Variants in ZFR observed in about 807,000 individuals in gnomAD.
ZFR encodes zinc finger RNA binding protein.
Under a neutral mutation model 130.7 loss-of-function variants are expected in ZFR, and 19 were observed. The ratio of observed to expected loss-of-function variants is 0.15; its 90% CI spans 0.10 to 0.21. The LOEUF (loss-of-function observed/expected upper bound fraction) is 0.21. ZFR is among the 10% of genes least tolerant of loss of function. The pLI, the probability that ZFR is intolerant of heterozygous loss-of-function variation, is 1.00. For missense variants in ZFR, 872 were observed against 1,321.5 expected (o/e 0.66, Z 5.27); for synonymous variants, 466 against 456.9 (o/e 1.02, Z -0.25).
intron 17 of ZFR, among the ~76,000 whole-genome samples, chr5:32,372,277 T>C (rs1257518794): frequency 6.6e-6 from 1 of 152,202 alleles, no homozygotes; most frequent in East Asian, 1.9e-4. Context: ...GCATGAAAAC[T>C]AGTGATAAAA....
chr5:32,409,800 CTCTT>C, intron 5 of ZFR, among the ~76,000 whole-genome samples: 2 of 152,262 alleles, frequency 1.3e-5, no homozygotes, highest in South Asian at 4.1e-4. Flanking sequence ...TCTCATTTCT[CTCTT>C]TGAGGCTCAC....
chr5:32,403,438 T>C (rs79403238), intron 7 of ZFR, 41 bp from the exon 8 acceptor site: 36,410 of 1,583,158 alleles, frequency 0.023, 453 homozygotes, highest in Non-Finnish European at 0.027. Flanking sequence ...GAAACTCAAA[T>C]AGATTTTGAA....
chr5:32,413,868 T>C (rs1002743640), intron 5 of ZFR, among the ~76,000 whole-genome samples: 1 of 152,198 alleles, frequency 6.6e-6, no homozygotes, highest in Non-Finnish European at 1.5e-5. Flanking sequence ...TACTATGCCT[T>C]TAATAGATTA....
intron 12 of ZFR, among the ~76,000 whole-genome samples, chr5:32,390,012 G>A (rs1437588306): frequency 6.6e-6 from 1 of 152,166 alleles, no homozygotes; most frequent in Non-Finnish European, 1.5e-5. Flanking sequence ...TTAGCCAAGT[G>A]TGTTGGTGAG....
intron 8 of ZFR, 106 bp from the exon 9 acceptor site, chr5:32,400,309 T>C: frequency 2.5e-6 from 2 of 795,434 alleles, no homozygotes; most frequent in African/African-American, 3.5e-5. Context: ...ATAGTCAAAC[T>C]CCTAACTGAC....
chr5:32,431,842 G>T (rs1465521961), intron 2 of ZFR, among the ~76,000 whole-genome samples: 2 of 150,894 alleles, frequency 1.3e-5, no homozygotes, highest in Non-Finnish European at 3.0e-5. Context: ...TTTTTGTTTT[G>T]TTTTTGTTTT....
chr5:32,418,764 G>GA (rs1581708641), intron 3 of ZFR, among the ~76,000 whole-genome samples: 1 of 152,006 alleles, frequency 6.6e-6, no homozygotes, highest in African/African-American at 2.4e-5. Flanking sequence ...CTATGCTTTA[G>GA]AAAGAATATA....
intron 11 of ZFR, among the ~76,000 whole-genome samples, chr5:32,393,922 T>A (rs1753237793): frequency 6.6e-6 from 1 of 152,156 alleles, no homozygotes; most frequent in Admixed American, 6.5e-5. Flanking sequence ...GGTCAAGATA[T>A]TAATAACTAT....
In ZFR at chr5:32,379,179, A is replaced by G; in HGVS notation, c.2771T>C (p.Ile924Thr). 6.2e-7 allele frequency: 1 copy of G among 1,614,008 alleles called. No individual in the cohort carries two copies. Among genetic ancestry groups the G allele is most frequent in the Non-Finnish European group, 8.5e-7 (1 of 1,179,950 alleles). The stretch of plus-strand genomic sequence containing the variant: ...GAGGTCTCGAAGAATGCGTATGATA[A>G]TCACACAGGACTGCAGACCATTAGC... ...ARANGLQSCV[I>T]IIRILRDLCQ... The change falls in exon 17 of 20, where the codon ATT becomes ACT. Residue 924 changes from isoleucine to threonine, a missense_variant. Transcript: ENST00000265069.
At position 32,359,959 on chromosome 5, in the gene ZFR, AAAAG is replaced by A. The variant is rs1298135460; in HGVS notation, c.3045+3985_3045+3988del. 2.4e-4 allele frequency among the ~76,000 whole-genome samples: 37 copies of A among 152,104 alleles called. 1 individual carries two copies. The highest frequency in any genetic ancestry group is 4.1e-4 in the South Asian group (2 of 4,826). On this transcript the variant is annotated intron_variant, in intron 19 of 19. Coordinates refer to ENST00000265069, the MANE Select transcript of ZFR (RefSeq NM_016107.5). ...ACTCCGTCTTAAGGAAAAAAAAAAA[AAAAG>A]AAAGAAAAATTCCTTGTTACTTCAT...
rs1229419332 is a variant in ZFR at position 32,355,025 on chromosome 5, A to ATT, written c.*733_*734dup. 5 of 152,224 alleles carry ATT rather than the reference A, an allele frequency of 3.3e-5. No individual in the cohort carries two copies. The highest frequency in any genetic ancestry group is 7.4e-5 in the Non-Finnish European group (5 of 68,022). 9.4% of individuals were successfully genotyped at this position (152,224 alleles called of 1,614,324 possible). ...AGAATGTCATGCATTTTTATTATCA[A>ATT]TTATGCAGAGGCTTTAAAACTGTTG... On this transcript the variant is annotated 3_prime_UTR_variant, in exon 20 of 20. Transcript: ENST00000265069.
At chr5:32,443,900 G>C (rs1387229452) in intron 2 of ZFR, among the ~76,000 whole-genome samples, 1 of 152,218 alleles carries the variant, frequency 6.6e-6, no homozygotes, top group South Asian at 2.1e-4. Context: ...GGGGCCTGCC[G>C]GGCGGCGGTG....
chr5:32,393,776 G>T (rs1272373174), intron 11 of ZFR, among the ~76,000 whole-genome samples: 1 of 152,158 alleles, frequency 6.6e-6, no homozygotes, highest in African/African-American at 2.4e-5. Flanking sequence ...ATCCAGTATA[G>T]GCAGACATGT....
chr5:32,400,317 G>C, intron 8 of ZFR, 114 bp from the exon 9 acceptor site: 1 of 698,388 alleles, frequency 1.4e-6, no homozygotes, highest in South Asian at 3.5e-5. Flanking sequence ...ACTCCTAACT[G>C]ACATACAACA....
At chr5:32,409,491 T>C (rs1344691938) in intron 5 of ZFR, among the ~76,000 whole-genome samples, 2 of 150,296 alleles carry the variant, frequency 1.3e-5, no homozygotes, top group East Asian at 4.1e-4. Context: ...CTGCAACCTC[T>C]GCCTCCCAGG....
chr5:32,439,995 AT>A (rs1474895538), intron 2 of ZFR, among the ~76,000 whole-genome samples: 1 of 152,148 alleles, frequency 6.6e-6, no homozygotes, highest in Non-Finnish European at 1.5e-5. Flanking sequence ...GTTAAAAAAA[AT>A]GATTTTTGAT....
intron 17 of ZFR, among the ~76,000 whole-genome samples, chr5:32,375,666 C>T (rs900336701): frequency 3.9e-5 from 6 of 152,018 alleles, no homozygotes; most frequent in African/African-American, 1.2e-4. Flanking sequence ...GCCACCATGC[C>T]GGGCTAATTT....
At chr5:32,365,627 T>C (rs1468371640) in intron 17 of ZFR, among the ~76,000 whole-genome samples, 1 of 150,984 alleles carries the variant, frequency 6.6e-6, no homozygotes, top group Non-Finnish European at 1.5e-5. Flanking sequence ...GGCATGACCA[T>C]GGCTCACTGC....
intron 15 of ZFR, 51 bp downstream of exon 15, chr5:32,385,457 T>C: frequency 1.3e-6 from 2 of 1,598,272 alleles, no homozygotes; most frequent in Non-Finnish European, 8.5e-7. Context: ...AAAGAGTAGA[T>C]AAATGAAAAA....
Sources: gnomAD v4.1 joint callset for allele counts (sites outside exome capture counted in the v4.1 genomes callset) on GRCh38, gnomAD v4.1.1 for gene constraint, MANE v1.5 for transcripts, NCBI Gene and HGNC (gene_info 2026-07-23, HGNC 2026-07-21) for gene names.